Variants in SPTLC1 observed in about 807,000 individuals in gnomAD.
SPTLC1 encodes serine palmitoyltransferase 1.
SPTLC1 carries 55 observed loss-of-function variants against 68.9 expected under a neutral mutation model. The observed-to-expected ratio is 0.80, with a 90% CI of 0.64 to 1.00. SPTLC1 has a LOEUF of 1.00. SPTLC1 is among the 50% of genes least tolerant of loss of function. The probability of loss-of-function intolerance (pLI) is 0.00; values close to 1 mark genes in which losing one functional copy is unlikely to be tolerated. For missense variants in SPTLC1, 449 were observed against 573.1 expected (o/e 0.78, Z 2.21); for synonymous variants, 197 against 201.6 (o/e 0.98, Z 0.19).
intron 5 of SPTLC1, among the ~76,000 whole-genome samples, chr9:92,075,435 T>A (rs1834649007): frequency 6.6e-6 from 1 of 152,058 alleles, no homozygotes; most frequent in African/African-American, 2.4e-5. Context: ...CCTTTTACTC[T>A]AAAAAAGGCC....
At chr9:92,086,888 C>T (rs1490425549) in intron 3 of SPTLC1, among the ~76,000 whole-genome samples, 6 of 152,198 alleles carry the variant, frequency 3.9e-5, no homozygotes, top group East Asian at 3.8e-4. Flanking sequence ...ACCAATCAGA[C>T]GTAGATTTGG....
chr9:92,044,233 GA>G (rs1391489314), intron 12 of SPTLC1, among the ~76,000 whole-genome samples: 5 of 152,218 alleles, frequency 3.3e-5, no homozygotes, highest in African/African-American at 1.2e-4. Context: ...AGAAGGTAAT[GA>G]GAAGAAAAGA....
chr9:92,099,451 TAAGAGTAA>T (rs1396050589), intron 3 of SPTLC1, among the ~76,000 whole-genome samples: 1 of 151,726 alleles, frequency 6.6e-6, no homozygotes, highest in Non-Finnish European at 1.5e-5. Flanking sequence ...AGTGGTCCTA[TAAGAGTAA>T]AATACTGTAT....
chr9:92,108,667 T>A (rs1836099549), intron 3 of SPTLC1, 73 bp downstream of exon 3: 1 of 1,582,350 alleles, frequency 6.3e-7, no homozygotes, highest in Non-Finnish European at 8.6e-7. Flanking sequence ...GACTACTACA[T>A]ATAAAGCACT....
At chr9:92,087,637 G>A (rs1215676035) in intron 3 of SPTLC1, among the ~76,000 whole-genome samples, 17 of 152,186 alleles carry the variant, frequency 1.1e-4, no homozygotes, top group Admixed American at 1.1e-3. Context: ...GCCGTGTGAG[G>A]TGTCAGTCTG....
At chr9:92,050,231 A>G in intron 8 of SPTLC1, 164 bp from the exon 9 acceptor site, 2 of 605,238 alleles carry the variant, frequency 3.3e-6, no homozygotes, top group South Asian at 3.9e-5. Flanking sequence ...CAACCTCCAT[A>G]TCAATACTTT....
At chr9:92,099,847 A>G (rs1333531655) in intron 3 of SPTLC1, among the ~76,000 whole-genome samples, 1 of 152,096 alleles carries the variant, frequency 6.6e-6, no homozygotes, top group Non-Finnish European at 1.5e-5. Context: ...ACAACTGCCT[A>G]GAGTATTCAG....
At chr9:92,090,477 T>C (rs1356391040) in intron 3 of SPTLC1, among the ~76,000 whole-genome samples, 1 of 151,894 alleles carries the variant, frequency 6.6e-6, no homozygotes, top group Admixed American at 6.6e-5. Context: ...CCGGGTGTGG[T>C]GGTGCATGCC....
At chr9:92,048,864 C>T (rs1248472439) in intron 9 of SPTLC1, among the ~76,000 whole-genome samples, 4 of 152,126 alleles carry the variant, frequency 2.6e-5, no homozygotes, top group African/African-American at 9.7e-5. Context: ...AAATAAAGCC[C>T]GTACATTCTG....
In SPTLC1 at chr9:92,032,172, T is replaced by C; in HGVS notation, c.*293A>G. The C allele has an allele frequency of 2.0e-6, 2 of 1,015,924 alleles. No individual in the cohort carries two copies. Among genetic ancestry groups the C allele is most frequent in the South Asian group, 1.7e-5 (1 of 57,240 alleles). The allele number at this position is 1,015,924 out of a possible 1,614,324, so 62.9% of individuals were successfully genotyped here. A position where few individuals can be genotyped will look rare whatever the true frequency, so the allele number is the denominator to read the frequency against. ...ACAACAAAAGAATATAAAATACTAG[T>C]ATAAGAAAACATTTAAATAGTACTA... is the stretch of plus-strand genomic sequence containing the variant. On this transcript the variant is annotated 3_prime_UTR_variant, in exon 15 of 15. Coordinates refer to ENST00000262554, the MANE Select transcript of SPTLC1 (RefSeq NM_006415.4).
chr9:92,032,515 C>T lies in SPTLC1; in HGVS notation c.1372G>A (p.Glu458Lys). The change falls in exon 15 of 15, where the codon GAG (glutamate) becomes AAG (lysine). Residue 458 changes from glutamate (E) to lysine (K), a missense_variant. By Grantham distance (56) the Glu-to-Lys change is moderately conservative. Around this residue, in one of 3 missense-constraint regions of SPTLC1, gnomAD observed 391 missense variants for 472.1 expected, o/e 0.83. Coordinates refer to ENST00000262554, the MANE Select transcript of SPTLC1 (RefSeq NM_006415.4). ...VTVEQTEEEL[E>K]RAASTIKEVA... is the part of the protein sequence containing the mutation. The stretch of plus-strand genomic sequence containing the variant: ...TCCTTGATGGTGGACGCAGCTCTCT[C>T]CAGTTCTTCCTCTGTTTGTTCCACC... 1 of 1,614,210 alleles carries T rather than the reference C, an allele frequency of 6.2e-7. No individual in the cohort carries two copies. The highest frequency in any genetic ancestry group is 8.5e-7 in the Non-Finnish European group (1 of 1,180,032).
chr9:92,038,150 G>C, intron 13 of SPTLC1, 98 bp downstream of exon 13: 1 of 852,148 alleles, frequency 1.2e-6, no homozygotes, highest in African/African-American at 1.7e-5. Flanking sequence ...TTCTCTCTCA[G>C]GGCAAAGAGA....
chr9:92,101,235 A>G (rs1453278425), intron 3 of SPTLC1, among the ~76,000 whole-genome samples: 1 of 152,176 alleles, frequency 6.6e-6, no homozygotes, highest in Non-Finnish European at 1.5e-5. Flanking sequence ...CATAGCCTGA[A>G]TGAGAAATTC....
At chr9:92,065,566 G>A (rs1834249298) in intron 6 of SPTLC1, among the ~76,000 whole-genome samples, 1 of 152,028 alleles carries the variant, frequency 6.6e-6, no homozygotes, top group Non-Finnish European at 1.5e-5. Flanking sequence ...AAGCATAGGA[G>A]TTCACCAGTA....
chr9:92,070,531 G>A (rs1229154191), intron 5 of SPTLC1, among the ~76,000 whole-genome samples: 1 of 152,188 alleles, frequency 6.6e-6, no homozygotes, highest in Non-Finnish European at 1.5e-5. Context: ...ACAGCCCTCA[G>A]CACTTTCTTG....
At chr9:92,072,964 A>T (rs1190998545) in intron 5 of SPTLC1, among the ~76,000 whole-genome samples, 2 of 139,230 alleles carry the variant, frequency 1.4e-5, no homozygotes, top group Non-Finnish European at 3.1e-5. Context: ...CCCCCAACCC[A>T]CCTATCCGAA....
chr9:92,107,818 C>G (rs1317598472), intron 3 of SPTLC1: 1 of 152,090 alleles, frequency 6.6e-6, no homozygotes, highest in Non-Finnish European at 1.5e-5. Context: ...AAGAGATCTA[C>G]AGAAGTAAAG....
At chr9:92,060,710 T>C (rs975814346) in intron 6 of SPTLC1, among the ~76,000 whole-genome samples, 6 of 142,752 alleles carry the variant, frequency 4.2e-5, no homozygotes, top group African/African-American at 1.6e-4. Context: ...ATCGAGACCA[T>C]CCTGGCTAAC....
intron 12 of SPTLC1, among the ~76,000 whole-genome samples, chr9:92,040,460 C>T (rs1238327309): frequency 6.6e-6 from 1 of 152,002 alleles, no homozygotes; most frequent in Non-Finnish European, 1.5e-5. Flanking sequence ...CAAATGGCCT[C>T]AATTTTCCTC....
Sources: allele counts gnomAD v4.1 joint callset (sites outside exome capture counted in the v4.1 genomes callset), GRCh38; gene constraint gnomAD v4.1.1; regional missense constraint gnomAD v4.1.1; transcripts MANE v1.5; gene names NCBI Gene and HGNC (gene_info 2026-07-23, HGNC 2026-07-21).